The following NOS1 variants were observed in gnomAD, a reference collection of about 807,000 sequenced individuals.
NOS1 encodes nitric oxide synthase 1, also known as NOS type I.
In NOS1, 51 loss-of-function variants were observed where a neutral mutation model predicts 164.5. The ratio of observed to expected loss-of-function variants is 0.31; its 90% CI spans 0.25 to 0.39. The LOEUF (loss-of-function observed/expected upper bound fraction) is 0.39, where lower values mean the gene tolerates loss of function less well. Ranked by LOEUF, NOS1 falls within the 10% of genes least tolerant of loss-of-function variation. The pLI is 1.00. For synonymous variants in NOS1, 719 were observed against 745.8 expected, an observed-to-expected ratio of 0.96 and a Z score of 0.59; for missense variants, 1,362 against 1,885.6, an observed-to-expected ratio of 0.72 and a Z score of 5.14.
chr12:117,303,911 G>A (rs775922209), intron 3 of NOS1, among the ~76,000 whole-genome samples: 57 of 152,260 alleles, frequency 3.7e-4, no homozygotes, highest in Admixed American at 1.7e-3. Flanking sequence ...ATGTGTTCAC[G>A]CCTGTAATTC....
chr12:117,261,312 A>G (rs1437782163), intron 13 of NOS1, among the ~76,000 whole-genome samples: 3 of 152,122 alleles, frequency 2.0e-5, no homozygotes, highest in Admixed American at 1.3e-4. Context: ...GCATTGCCTC[A>G]AAAGATGATC....
At position 117,210,647 on chromosome 12, in the gene NOS1, A is replaced by G. The variant is rs546549497; in HGVS notation, c.*4662T>C. ...CCATCCTATTAGGACCATTTGCCCT[A>G]TGAGCTAGGTCAGGACACCTCTCAC... On this transcript the variant is annotated 3_prime_UTR_variant, in exon 29 of 29. Coordinates refer to ENST00000317775, the MANE Select transcript of NOS1 (RefSeq NM_000620.5). 3.1e-4 allele frequency: 307 copies of G among 985,468 alleles called. No homozygotes were observed. The highest frequency in any genetic ancestry group is 3.5e-4 in the Non-Finnish European group (288 of 829,952). The allele number at this position is 985,468 out of a possible 1,614,324, so 61.0% of individuals were successfully genotyped here.
intron 2 of NOS1, among the ~76,000 whole-genome samples, chr12:117,312,391 C>A (rs2136056125): frequency 6.6e-6 from 1 of 151,246 alleles, no homozygotes; most frequent in South Asian, 2.1e-4. Context: ...GCATTTAACT[C>A]TTGTGACAAC....
rs1163923384 is a variant in NOS1 at position 117,259,036 on chromosome 12, T to G, written c.2462A>C (p.Glu821Ala). ...AAAAGCTCATCTCACCTCCCCATTCTCAGGGGGATCTCCATTGCCAAAGGT... is the reference window on the plus strand; with the variant it reads ...AAAAGCTCATCTCACCTCCCCATTCGCAGGGGGATCTCCATTGCCAAAGGT... ...TSTFGNGDPP[E>A]NGEKFGCALM... is the part of the protein sequence containing the mutation. Residue 821 changes from glutamate (E) to alanine (A), a missense_variant, in exon 15 of 29, where the codon GAG becomes GCG. Around this residue, in one of 4 missense-constraint regions of NOS1, gnomAD observed 737 missense variants for 1,030.3 expected, o/e 0.72. Coordinates refer to ENST00000317775, the MANE Select transcript of NOS1 (RefSeq NM_000620.5). 1 of 1,611,796 alleles carries G rather than the reference T, an allele frequency of 6.2e-7. No individual in the cohort carries two copies. Among genetic ancestry groups the G allele is most frequent in the Admixed American group, 1.7e-5 (1 of 60,010 alleles).
chr12:117,210,485 G>A lies in NOS1; in HGVS notation c.*4824C>T. The A allele has an allele frequency of 3.0e-6, 3 of 985,468 alleles. No homozygotes were observed. Among genetic ancestry groups the A allele is most frequent in the Non-Finnish European group, 3.6e-6 (3 of 829,990 alleles). The allele number at this position is 985,468 out of a possible 1,614,324, so 61.0% of individuals were successfully genotyped here. On this transcript the variant is annotated 3_prime_UTR_variant, in exon 29 of 29. Coordinates refer to ENST00000317775, the MANE Select transcript of NOS1 (RefSeq NM_000620.5). ...GGCATGCTGGGTATGTGGGGCAGCG[G>A]GTAGGGAAATATACAAGGAAACATG... is the stretch of plus-strand genomic sequence containing the variant.
In NOS1 at chr12:117,330,111, G is replaced by A. The variant is rs183828601; in HGVS notation, c.725+234C>T. ...TGTCTGCTACCATGATGATTAATTC[G>A]CTCTGGGTTTTGTGACAAGAGAAGC... On this transcript the variant is annotated intron_variant, in intron 2 of 28. Transcript: ENST00000317775. The surrounding 1 kb of genome is among the most constrained non-coding windows in gnomAD (Gnocchi z 4.6). Among the ~76,000 whole-genome samples, 14 of 152,310 alleles carry A rather than the reference G, an allele frequency of 9.2e-5. No individual in the cohort carries two copies. Among genetic ancestry groups the A allele is most frequent in the Admixed American group, 3.3e-4 (5 of 15,300 alleles).
In NOS1 at chr12:117,243,368, C is replaced by T; in HGVS notation, c.2891G>A (p.Ser964Asn). 6.2e-7 allele frequency: 1 copy of T among 1,614,130 alleles called. No homozygotes were observed. Among genetic ancestry groups the T allele is most frequent in the Non-Finnish European group, 8.5e-7 (1 of 1,180,032 alleles). ...NIEKANNSLI[S>N]NDRSWKRNKF... is the part of the protein sequence containing the mutation. ...GTTTCTCTTCCAGCTGCGATCATTG[C>T]TGATGAGGGAATTGTTGGCCTTTTC... The change falls in exon 19 of 29, where the codon AGC becomes AAC. Residue 964 changes from serine to asparagine, a missense_variant. By Grantham distance (46) the Ser-to-Asn change is conservative (BLOSUM62 1). Transcript: ENST00000317775. The surrounding 1 kb of genome is among the most constrained non-coding windows in gnomAD (Gnocchi z 4.3).
chr12:117,263,712 TG>T (rs1327215105), intron 13 of NOS1, among the ~76,000 whole-genome samples, 176 bp downstream of exon 13: 6 of 151,508 alleles, frequency 4.0e-5, no homozygotes, highest in African/African-American at 1.5e-4. Flanking sequence ...GGAGAAGAGT[TG>T]GAACGACATT....
At chr12:117,342,343 A>G (rs1876152715) in intron 1 of NOS1, among the ~76,000 whole-genome samples, 2 of 152,164 alleles carry the variant, frequency 1.3e-5, no homozygotes, top group African/African-American at 2.4e-5. Context: ...TGATAAAAAC[A>G]ATGAGTAGAA....
chr12:117,264,772 T>C (rs932916017), intron 12 of NOS1, among the ~76,000 whole-genome samples: 1 of 151,042 alleles, frequency 6.6e-6, no homozygotes, highest in African/African-American at 2.4e-5. Context: ...CAGGCTGGAG[T>C]TCAGTGGCTT....
At chr12:117,268,589 A>AT (rs35656036) in intron 10 of NOS1, among the ~76,000 whole-genome samples, 28,558 of 123,120 alleles carry the variant, frequency 0.23, 4,472 homozygotes, top group African/African-American at 0.42. Context: ...CACTCATTCA[A>AT]TTTTTTTTTT....
At chr12:117,345,307 GC>G (rs1440904482) in intron 1 of NOS1, among the ~76,000 whole-genome samples, 1 of 152,158 alleles carries the variant, frequency 6.6e-6, no homozygotes, top group East Asian at 1.9e-4. Context: ...ACAGGCGTGA[GC>G]CACCGCGCCC....
At chr12:117,256,092 A>G in intron 16 of NOS1, 1 of 1,003,422 alleles carries the variant, frequency 1.0e-6, no homozygotes, top group Non-Finnish European at 1.4e-6. Context: ...GGTGAGAGGG[A>G]ACCTGCTGGG....
At chr12:117,249,361 C>T (rs996493811) in intron 17 of NOS1, among the ~76,000 whole-genome samples, 16 of 152,150 alleles carry the variant, frequency 1.1e-4, no homozygotes, top group South Asian at 8.3e-4. Flanking sequence ...CTAAGGAGGA[C>T]GAGTTAGGGA....
chr12:117,309,411 C>G (rs1593012230), intron 3 of NOS1: 1 of 984,934 alleles, frequency 1.0e-6, no homozygotes, highest in Non-Finnish European at 1.2e-6. Flanking sequence ...ATCCTCCCCG[C>G]TGAAGCTGTG....
rs1321854911 is a variant in NOS1, at chr12:117,359,916, A to T, written c.-421+1596T>A. ...TATATATATATATATATATATATAT[A>T]TATATATATATATATATATCAGCAA... On this transcript the variant is annotated intron_variant, in intron 1 of 28. Coordinates refer to ENST00000317775, the MANE Select transcript of NOS1 (RefSeq NM_000620.5). Among the ~76,000 whole-genome samples the T allele has an allele frequency of 2.0e-3, 144 of 70,280 alleles. 15 individuals carry two copies. The highest frequency in any genetic ancestry group is 0.013 in the Middle Eastern group (2 of 156). 46.1% of individuals were successfully genotyped at this position (70,280 alleles called of 152,430 possible).
chr12:117,222,457 T>A (rs550038028), intron 26 of NOS1, among the ~76,000 whole-genome samples: 6 of 152,278 alleles, frequency 3.9e-5, no homozygotes, highest in African/African-American at 1.4e-4. Flanking sequence ...TTTCACCATG[T>A]TGGCCAGGCT....
In NOS1 at chr12:117,208,847, C is replaced by T. The variant is rs938229152; in HGVS notation, c.*6462G>A. Reference sequence around the variant, plus strand: ...AAGTAATTCTCCTGCCTCAGCCTCCCGAGTAGATGGGATTACAGATGCCCG... The same window carrying T: ...AAGTAATTCTCCTGCCTCAGCCTCCTGAGTAGATGGGATTACAGATGCCCG... On this transcript the variant is annotated 3_prime_UTR_variant, in exon 29 of 29. Transcript: ENST00000317775. The T allele has an allele frequency of 1.8e-5, 12 of 671,198 alleles. No homozygotes were observed. The highest frequency in any genetic ancestry group is 7.8e-5 in the African/African-American group (4 of 51,362). 41.6% of individuals were successfully genotyped at this position (671,198 alleles called of 1,614,324 possible). A position where few individuals can be genotyped will look rare whatever the true frequency, so the allele number is the denominator to read the frequency against.
chr12:117,357,952 C>T (rs1016323401), intron 1 of NOS1, among the ~76,000 whole-genome samples: 16 of 152,288 alleles, frequency 1.1e-4, no homozygotes, highest in Middle Eastern at 3.4e-3. Context: ...TCCTGAAATG[C>T]CAAATTCAAC....
Sources: allele counts gnomAD v4.1 joint callset (sites outside exome capture counted in the v4.1 genomes callset), GRCh38; gene constraint gnomAD v4.1.1; regional missense constraint gnomAD v4.1.1; non-coding constraint Gnocchi (gnomAD v3.1); transcripts MANE v1.5; gene names NCBI Gene and HGNC (gene_info 2026-07-23, HGNC 2026-07-21).